Variants in FRMD4A observed in about 807,000 individuals in gnomAD.
FRMD4A encodes FERM domain-containing protein 4A.
FRMD4A carries 29 observed loss-of-function variants against 129.1 expected under a neutral mutation model. The observed-to-expected ratio is 0.22, with a 90% CI of 0.17 to 0.31. The LOEUF is 0.31. FRMD4A is among the 10% of genes least tolerant of loss of function. FRMD4A has a pLI of 1.00. For missense variants in FRMD4A, 1,272 were observed against 1,375.8 expected, an observed-to-expected ratio of 0.92 and a Z score of 1.19; for synonymous variants, 634 against 571.6, an observed-to-expected ratio of 1.11 and a Z score of -1.56.
chr10:13,750,182 G>C (rs928028960), intron 8 of FRMD4A, among the ~76,000 whole-genome samples: 2 of 114,220 alleles, frequency 1.8e-5, no homozygotes, highest in African/African-American at 7.4e-5. Flanking sequence ...ACCATGACCA[G>C]TGGTGTTGGT....
At chr10:13,987,062 A>T (rs1334803875) in intron 2 of FRMD4A, among the ~76,000 whole-genome samples, 1 of 152,104 alleles carries the variant, frequency 6.6e-6, no homozygotes, top group African/African-American at 2.4e-5. Flanking sequence ...AGGCCCTCAG[A>T]TCTCACAGAT....
chr10:14,174,879 CTGTGTGTGTG>C (rs56966643), intron 2 of FRMD4A, among the ~76,000 whole-genome samples: 1,513 of 87,620 alleles, frequency 0.017, 24 homozygotes, highest in Non-Finnish European at 0.029. Context: ...GTGTGTGTGT[CTGTGTGTGTG>C]TGTGTGTGTG....
At chr10:13,765,101 A>ATTTTTTTTTTTTTTTTTTTTTTTTTTTTT (rs10708906) in intron 6 of FRMD4A, among the ~76,000 whole-genome samples, 1 of 125,276 alleles carries the variant, frequency 8.0e-6, no homozygotes, top group Non-Finnish European at 1.6e-5. Flanking sequence ...TCAAGGATTG[A>ATTTTTTTTTTTTTTTTTTTTTTTTTTTTT]TTTTTTTTTT....
intron 12 of FRMD4A, among the ~76,000 whole-genome samples, chr10:13,718,393 C>A (rs75584345): frequency 6.6e-6 from 1 of 152,246 alleles, no homozygotes; most frequent in Admixed American, 6.5e-5. Flanking sequence ...CCGCTCCAGC[C>A]TGGACTTTCC....
In FRMD4A at chr10:14,204,417, C is replaced by T. The variant is rs148402796; in HGVS notation, c.45+125641G>A. ...TACTCCAGCCCGAATGACAGTGAGA[C>T]GCAGTCAAAAAAAAAAAATTACTAT... is the stretch of plus-strand genomic sequence containing the variant. On this transcript the variant is annotated intron_variant, in intron 2 of 24. Transcript: ENST00000357447. 5.6e-4 allele frequency among the ~76,000 whole-genome samples: 85 copies of T among 150,580 alleles called. 1 individual carries two copies. The highest frequency in any genetic ancestry group is 3.7e-4 in the Non-Finnish European group (25 of 67,676).
chr10:14,071,442 AT>A (rs1329160339), intron 2 of FRMD4A, among the ~76,000 whole-genome samples: 4 of 152,356 alleles, frequency 2.6e-5, no homozygotes, highest in Admixed American at 2.6e-4. Context: ...ATGAGAAAAC[AT>A]TGGTTTAGGA....
chr10:14,252,755 T>C (rs1844482706), intron 2 of FRMD4A, among the ~76,000 whole-genome samples: 2 of 152,404 alleles, frequency 1.3e-5, no homozygotes, highest in South Asian at 4.1e-4. Context: ...CTTAAGGGGA[T>C]ATACTTTGAG....
intron 6 of FRMD4A, among the ~76,000 whole-genome samples, chr10:13,763,064 T>G (rs920528897): frequency 6.6e-6 from 1 of 152,182 alleles, no homozygotes; most frequent in African/African-American, 2.4e-5. Context: ...CTTGAGTCTC[T>G]GAGACCACAC....
At chr10:14,224,467 T>C (rs1843369461) in intron 2 of FRMD4A, among the ~76,000 whole-genome samples, 1 of 152,220 alleles carries the variant, frequency 6.6e-6, no homozygotes, top group Non-Finnish European at 1.5e-5. Flanking sequence ...CTCCTACTCA[T>C]ACTGGGCAGA....
chr10:13,992,086 A>T (rs2095605407), intron 2 of FRMD4A: 2 of 152,166 alleles, frequency 1.3e-5, no homozygotes, highest in East Asian at 3.9e-4. Flanking sequence ...AAGGAACAAG[A>T]TCTTCAATGG....
chr10:13,798,454 C>T lies in FRMD4A; in HGVS notation c.207-1866G>A, dbSNP rs115091234. 8.6e-4 allele frequency among the ~76,000 whole-genome samples: 131 copies of T among 152,222 alleles called. 1 individual carries two copies. Among genetic ancestry groups the T allele is most frequent in the African/African-American group, 3.0e-3 (123 of 41,528 alleles). On this transcript the variant is annotated intron_variant, in intron 4 of 24. Coordinates refer to ENST00000357447, the MANE Select transcript of FRMD4A (RefSeq NM_018027.5). The stretch of plus-strand genomic sequence containing the variant: ...ACGGGCGTGGTGGCTCACGCCTGTA[C>T]GCCTGTAATCCCCACACTTTGGGAG...
intron 8 of FRMD4A, among the ~76,000 whole-genome samples, chr10:13,750,702 C>A (rs898419976): frequency 1.3e-5 from 2 of 152,156 alleles, no homozygotes; most frequent in Non-Finnish European, 2.9e-5. Flanking sequence ...GCAGGTCAGG[C>A]AGAGAATTGT....
Position 14,066,437 on chromosome 10 carries a change from T to C in FRMD4A, c.46-207525A>G, listed in dbSNP as rs368473858. 2.0e-5 allele frequency among the ~76,000 whole-genome samples: 3 copies of C among 152,184 alleles called. No individual in the cohort carries two copies. In the South Asian group the frequency reaches 6.2e-4, roughly 32 times the overall value. On this transcript the variant is annotated intron_variant, in intron 2 of 24. Transcript: ENST00000357447. ...GCTTAGGTAGGCATTTAATATTTGTTGAAGAAACAAGCAAATGCTTTGAAT... is the reference window on the plus strand; with the variant it reads ...GCTTAGGTAGGCATTTAATATTTGTCGAAGAAACAAGCAAATGCTTTGAAT...
At chr10:14,124,790 G>A (rs953073836) in intron 2 of FRMD4A, among the ~76,000 whole-genome samples, 4 of 152,178 alleles carry the variant, frequency 2.6e-5, no homozygotes, top group Non-Finnish European at 2.9e-5. Flanking sequence ...ATCACCAAAC[G>A]GGATTGTATC....
intron 2 of FRMD4A, among the ~76,000 whole-genome samples, chr10:14,137,248 A>G (rs1839585808): frequency 6.6e-6 from 1 of 152,210 alleles, no homozygotes; most frequent in Admixed American, 6.5e-5. Context: ...CCTCTGTGGG[A>G]ATAACTCCCC....
chr10:13,784,500 A>C (rs1919455), intron 5 of FRMD4A, among the ~76,000 whole-genome samples: 119,664 of 152,048 alleles, frequency 0.79, 47,844 homozygotes, highest in East Asian at 0.95. Flanking sequence ...TTAAAAATGA[A>C]TTCTTCTAAT....
intron 20 of FRMD4A, among the ~76,000 whole-genome samples, 197 bp downstream of exon 20, chr10:13,660,119 T>G (rs1384286190): frequency 6.6e-6 from 1 of 152,238 alleles, no homozygotes; most frequent in Admixed American, 6.5e-5. Flanking sequence ...CCCCAATTTC[T>G]CTGAGTCACA....
intron 2 of FRMD4A, among the ~76,000 whole-genome samples, chr10:13,963,551 C>T (rs2095461653): frequency 6.6e-6 from 1 of 152,032 alleles, no homozygotes; most frequent in Admixed American, 6.6e-5. Context: ...CATTGAAAAC[C>T]CAATCTCATT....
intron 2 of FRMD4A, among the ~76,000 whole-genome samples, chr10:14,049,059 G>A (rs1226764571): frequency 1.3e-5 from 2 of 152,200 alleles, no homozygotes; most frequent in Non-Finnish European, 2.9e-5. Flanking sequence ...GAGGCTTGGA[G>A]AATCATGTAA....
Sources: allele counts gnomAD v4.1 joint callset (sites outside exome capture counted in the v4.1 genomes callset), GRCh38; gene constraint gnomAD v4.1.1; transcripts MANE v1.5; gene names NCBI Gene and HGNC (gene_info 2026-07-23, HGNC 2026-07-21).